The following LRP12 variants were observed in gnomAD, a reference collection of about 807,000 sequenced individuals.
LRP12 encodes the protein low-density lipoprotein receptor-related protein 12.
In LRP12, 14 loss-of-function variants were observed where a neutral mutation model predicts 66.0. The ratio of observed to expected loss-of-function variants is 0.21; its 90% CI spans 0.14 to 0.33. LRP12 has a LOEUF of 0.33. Among genes scored for constraint, LRP12 ranks in the 10% least tolerant of loss-of-function variants. The pLI, the probability that LRP12 is intolerant of heterozygous loss-of-function variation, is 1.00. For missense variants in LRP12, 889 were observed against 1,053.4 expected (o/e 0.84, Z 2.16); for synonymous variants, 357 against 359.1 (o/e 0.99, Z 0.07).
At chr8:104,566,642 T>C (rs912632604) in intron 1 of LRP12, among the ~76,000 whole-genome samples, 6 of 152,244 alleles carry the variant, frequency 3.9e-5, no homozygotes, top group African/African-American at 1.4e-4. Flanking sequence ...AAAGATGTTA[T>C]TTCTTTGAAC....
At chr8:104,545,614 A>C (rs1436685941) in intron 1 of LRP12, among the ~76,000 whole-genome samples, 1 of 152,188 alleles carries the variant, frequency 6.6e-6, no homozygotes, top group Non-Finnish European at 1.5e-5. Flanking sequence ...AACTTGTTAA[A>C]GGCTCAGATG....
intron 5 of LRP12, 66 bp downstream of exon 5, chr8:104,496,906 A>G: frequency 7.1e-7 from 1 of 1,406,338 alleles, no homozygotes; most frequent in Non-Finnish European, 9.4e-7. Flanking sequence ...CTAATCATCA[A>G]AGAACTTGTT....
intron 1 of LRP12, among the ~76,000 whole-genome samples, chr8:104,548,301 AAT>A (rs559504183): frequency 2.3e-5 from 2 of 85,494 alleles, no homozygotes; most frequent in East Asian, 2.9e-4. Flanking sequence ...ATATTTATAT[AAT>A]ATATATTATA....
intron 1 of LRP12, among the ~76,000 whole-genome samples, chr8:104,573,258 TCTG>T (rs1383103262): frequency 6.6e-6 from 1 of 152,234 alleles, no homozygotes; most frequent in African/African-American, 2.4e-5. Flanking sequence ...TAACTTTATG[TCTG>T]CTACTTTTTG....
At chr8:104,565,518 G>A (rs910299998) in intron 1 of LRP12, among the ~76,000 whole-genome samples, 1 of 152,050 alleles carries the variant, frequency 6.6e-6, no homozygotes, top group Non-Finnish European at 1.5e-5. Flanking sequence ...TTACTCAAAC[G>A]TGAGGGCAAA....
chr8:104,498,123 T>G (rs1403438376), intron 4 of LRP12, 47 bp from the exon 5 acceptor site: 1 of 1,485,834 alleles, frequency 6.7e-7, no homozygotes. Context: ...GGAGAAAAAT[T>G]ATAATCTTTA....
At chr8:104,586,320 G>T (rs1382597953) in intron 1 of LRP12, among the ~76,000 whole-genome samples, 1 of 152,182 alleles carries the variant, frequency 6.6e-6, no homozygotes, top group African/African-American at 2.4e-5. Flanking sequence ...TTATGTATGT[G>T]AAATGTTTCA....
chr8:104,505,399 C>CTTTTTTTTTTTTTT (rs57277820), intron 3 of LRP12: 1 of 103,346 alleles, frequency 9.7e-6, no homozygotes, highest in Non-Finnish European at 1.9e-5. Flanking sequence ...TCCTTCTTTC[C>CTTTTTTTTTTTTTT]TTTTTTTTTT....
chr8:104,574,143 T>G (rs1812124585), intron 1 of LRP12, among the ~76,000 whole-genome samples: 1 of 152,194 alleles, frequency 6.6e-6, no homozygotes, highest in Non-Finnish European at 1.5e-5. Flanking sequence ...ACAATGCCAC[T>G]ATTCTCAAAA....
chr8:104,520,102 G>A (rs1365308781), intron 2 of LRP12, among the ~76,000 whole-genome samples: 1 of 151,726 alleles, frequency 6.6e-6, no homozygotes, highest in Non-Finnish European at 1.5e-5. Context: ...AAGATGAGGA[G>A]AGCAAAGAAA....
chr8:104,587,348 G>C (rs6468938), intron 1 of LRP12, among the ~76,000 whole-genome samples: 3,493 of 152,180 alleles, frequency 0.023, 153 homozygotes, highest in African/African-American at 0.08. Context: ...ATAGCTTATT[G>C]ATCTCTGGTG....
At chr8:104,500,563 C>A (rs1810811652) in intron 3 of LRP12, among the ~76,000 whole-genome samples, 1 of 152,102 alleles carries the variant, frequency 6.6e-6, no homozygotes, top group Non-Finnish European at 1.5e-5. Context: ...ATTAGCCGGG[C>A]ATGATGGTAT....
intron 1 of LRP12, among the ~76,000 whole-genome samples, chr8:104,570,032 T>C (rs1812055294): frequency 6.6e-6 from 1 of 152,086 alleles, no homozygotes; most frequent in South Asian, 2.1e-4. Context: ...TTAAAAGCAA[T>C]ATTATTTCCT....
At chr8:104,581,389 C>T (rs185785865) in intron 1 of LRP12, among the ~76,000 whole-genome samples, 1 of 151,222 alleles carries the variant, frequency 6.6e-6, no homozygotes. Context: ...TAACATATCA[C>T]TAGGTGATGA....
At chr8:104,537,296 T>C (rs923860282) in intron 1 of LRP12, among the ~76,000 whole-genome samples, 1 of 152,026 alleles carries the variant, frequency 6.6e-6, no homozygotes, top group Admixed American at 6.6e-5. Flanking sequence ...AGAGTATCAG[T>C]ATCAGTTTTT....
chr8:104,560,361 C>T (rs1478166730), intron 1 of LRP12, among the ~76,000 whole-genome samples: 1 of 151,696 alleles, frequency 6.6e-6, no homozygotes, highest in Non-Finnish European at 1.5e-5. Context: ...CTCTGTCAAT[C>T]GTGCTTAGAT....
intron 1 of LRP12, among the ~76,000 whole-genome samples, chr8:104,558,126 T>C (rs1030140373): frequency 3.3e-5 from 5 of 151,962 alleles, no homozygotes; most frequent in Admixed American, 1.3e-4. Context: ...AGAAGAATTG[T>C]TTGAACCCCA....
At chr8:104,545,455 A>C (rs1381845219) in intron 1 of LRP12, among the ~76,000 whole-genome samples, 1 of 152,184 alleles carries the variant, frequency 6.6e-6, no homozygotes. Flanking sequence ...CTACAGAGAA[A>C]GCTTTTATGA....
intron 1 of LRP12, among the ~76,000 whole-genome samples, chr8:104,553,443 A>G (rs1811757475): frequency 6.6e-6 from 1 of 152,014 alleles, no homozygotes; most frequent in African/African-American, 2.4e-5. Context: ...GCTGCATGGG[A>G]GCTGGGTAAG....
Sources: gnomAD v4.1 joint callset for allele counts (sites outside exome capture counted in the v4.1 genomes callset) on GRCh38, gnomAD v4.1.1 for gene constraint, MANE v1.5 for transcripts, NCBI Gene and HGNC (gene_info 2026-07-23, HGNC 2026-07-21) for gene names.